TMF1: variants seen among roughly 807,000 people sequenced by gnomAD.
TMF1 encodes TATA element modulatory factor 1.
In TMF1, 71 loss-of-function variants were observed where a neutral mutation model predicts 126.5. That is an observed-to-expected ratio of 0.56 (90% confidence interval 0.46 to 0.68). The LOEUF (loss-of-function observed/expected upper bound fraction) is 0.68. Ranked by LOEUF, TMF1 falls within the 30% of genes least tolerant of loss-of-function variation. The pLI is 0.00. For synonymous variants in TMF1, 461 were observed against 430.5 expected, an observed-to-expected ratio of 1.07 and a Z score of -0.88; for missense variants, 1,259 against 1,253.2, an observed-to-expected ratio of 1.00 and a Z score of -0.07.
intron 2 of TMF1, among the ~76,000 whole-genome samples, chr3:69,044,837 T>C (rs2091886566): frequency 6.6e-6 from 1 of 152,162 alleles, no homozygotes; most frequent in Admixed American, 6.5e-5. Context: ...AGAAAACAAT[T>C]AGGCAATATC....
Position 69,038,622 on chromosome 3 carries a change from G to A in TMF1, c.2093C>T (p.Ala698Val). Residue 698 changes from alanine to valine, a missense_variant, in exon 8 of 17, where the codon GCA becomes GTA. By Grantham distance (64) the Ala-to-Val change is moderately conservative. Transcript: ENST00000398559. The stretch of plus-strand genomic sequence containing the variant: ...TTCTTCTTGGGCCTTCTCTAATGCT[G>A]CAGAAAGTTCTTCTTTAGCTTTCAT... ...REMKAKEELS[A>V]ALEKAQEEAR... is the part of the protein sequence containing the mutation. 6.2e-7 allele frequency: 1 copy of A among 1,614,098 alleles called. No homozygotes were observed. Among genetic ancestry groups the A allele is most frequent in the Non-Finnish European group, 8.5e-7 (1 of 1,179,996 alleles).
chr3:69,042,844 T>A lies in TMF1; in HGVS notation c.1647A>T (p.Lys549Asn). 1.2e-6 allele frequency: 2 copies of A among 1,613,784 alleles called. No individual in the cohort carries two copies. Among genetic ancestry groups the A allele is most frequent in the Non-Finnish European group, 1.7e-6 (2 of 1,179,912 alleles). ...LNSSETADLL[K>N]EKDEQIRGLM... ...ACCCTCGGATCTGCTCATCTTTCTC[T>A]TTCAAAAGGTCTGCAGTTTCACTAC... The change falls in exon 5 of 17, where the codon AAA becomes AAT. Residue 549 changes from lysine (K) to asparagine (N), a missense_variant. By Grantham distance (94) the Lys-to-Asn change is moderately conservative. Transcript: ENST00000398559.
intron 2 of TMF1, among the ~76,000 whole-genome samples, chr3:69,046,681 C>CTT (rs2091897727): frequency 6.6e-6 from 1 of 152,174 alleles, no homozygotes. Context: ...ATTTATATCA[C>CTT]TTTCCTTTCA....
intron 1 of TMF1, among the ~76,000 whole-genome samples, chr3:69,050,684 T>C (rs549437356): frequency 6.6e-6 from 1 of 152,356 alleles, no homozygotes; most frequent in African/African-American, 2.4e-5. Flanking sequence ...AGCAAGGTTA[T>C]ATGACATCTT....
chr3:69,024,268 G>GTTTTT, intron 15 of TMF1, 88 bp from the exon 16 acceptor site: 4 of 925,160 alleles, frequency 4.3e-6, no homozygotes, highest in Non-Finnish European at 4.5e-6. Context: ...TGTGTGTGTG[G>GTTTTT]TTTTTTTTTT....
At chr3:69,028,646 G>A (rs2091782838) in intron 11 of TMF1, among the ~76,000 whole-genome samples, 1 of 152,164 alleles carries the variant, frequency 6.6e-6, no homozygotes, top group Non-Finnish European at 1.5e-5. Context: ...GTTTCTAAAA[G>A]TTCAGATATT....
chr3:69,044,575 T>C lies in TMF1; in HGVS notation c.1368A>G (p.Glu456=). 6.2e-7 allele frequency: 1 copy of C among 1,608,502 alleles called. No homozygotes were observed. The highest frequency in any genetic ancestry group is 1.3e-5 in the African/African-American group (1 of 74,632). ...DVCKTVEFLN[E]KLEKREAQLL... ...ACTGAGCCTCCCTTTTTTCCAGCTT[T>C]TCATTCAGAAATTCAACTGTCTGGA... is the stretch of plus-strand genomic sequence containing the variant. The change falls in exon 3 of 17, where the codon GAA becomes GAG. Residue 456 remains glutamate (E), a synonymous_variant. Coordinates refer to ENST00000398559, the MANE Select transcript of TMF1 (RefSeq NM_007114.3).
chr3:69,044,937 G>A (rs558191464), intron 2 of TMF1, among the ~76,000 whole-genome samples: 1 of 152,240 alleles, frequency 6.6e-6, no homozygotes, highest in South Asian at 2.1e-4. Context: ...TGCACTAGGC[G>A]ACATGTATAA....
intron 3 of TMF1, 27 bp downstream of exon 3, chr3:69,044,465 C>T (rs1027572294): frequency 8.0e-6 from 10 of 1,254,292 alleles, no homozygotes; most frequent in Non-Finnish European, 1.0e-5. Flanking sequence ...AAATGTGTAA[C>T]ATTATTCACA....
At chr3:69,036,091 A>G (rs760143543) in intron 8 of TMF1, among the ~76,000 whole-genome samples, 5 of 152,304 alleles carry the variant, frequency 3.3e-5, no homozygotes, top group South Asian at 2.1e-4. Flanking sequence ...ATATCCATCA[A>G]TAAGAAATAG....
intron 10 of TMF1, among the ~76,000 whole-genome samples, chr3:69,031,928 A>C (rs2091805292): frequency 6.6e-6 from 1 of 152,224 alleles, no homozygotes; most frequent in African/African-American, 2.4e-5. Flanking sequence ...TTATTTCAAA[A>C]GATATCATTT....
At chr3:69,025,952 T>C in intron 14 of TMF1, 44 bp downstream of exon 14, 3 of 1,480,882 alleles carry the variant, frequency 2.0e-6, no homozygotes, top group Non-Finnish European at 2.8e-6. Context: ...ATTTCCTTTA[T>C]TATTATTCTA....
Position 69,052,121 on chromosome 3 carries a change from C to A in TMF1, c.-35G>T. ...TCAGCCGGCAGTGGCGGCGGCAGCA[C>A]CAAGCGGGAAGGCCTCAGGCCTGGG... On this transcript the variant is annotated 5_prime_UTR_variant, in exon 1 of 17. Transcript: ENST00000398559. 4 of 1,591,854 alleles carry A rather than the reference C, an allele frequency of 2.5e-6. No homozygotes were observed. Among genetic ancestry groups the A allele is most frequent in the Non-Finnish European group, 3.4e-6 (4 of 1,171,574 alleles).
rs767053061 is a variant in TMF1 at position 69,022,564 on chromosome 3, G to C, written c.*613C>G. 8 of 152,410 alleles carry C rather than the reference G, an allele frequency of 5.2e-5. No individual in the cohort carries two copies. Among genetic ancestry groups the C allele is most frequent in the Non-Finnish European group, 7.4e-5 (5 of 67,926 alleles). 9.4% of individuals were successfully genotyped at this position (152,410 alleles called of 1,614,324 possible). On this transcript the variant is annotated 3_prime_UTR_variant, in exon 17 of 17. Coordinates refer to ENST00000398559, the MANE Select transcript of TMF1 (RefSeq NM_007114.3). ...GAAAGCTGGGTGAAATAAATTTTCAGATCAAAATTTTTTTTAAGTTTAAAT... is the reference window on the plus strand; with the variant it reads ...GAAAGCTGGGTGAAATAAATTTTCACATCAAAATTTTTTTTAAGTTTAAAT...
chr3:69,047,901 T>C lies in TMF1; in HGVS notation c.804A>G (p.Ile268Met). 6.2e-7 allele frequency: 1 copy of C among 1,613,802 alleles called. No individual in the cohort carries two copies. The highest frequency in any genetic ancestry group is 2.2e-5 in the East Asian group (1 of 44,884). ...GTCTCGAGCTCGCTGAGCTCTCACTTATTACACTTTCATGATCTAAAACTT... is the reference window on the plus strand; with the variant it reads ...GTCTCGAGCTCGCTGAGCTCTCACTCATTACACTTTCATGATCTAAAACTT... ...DIEVLDHESVISESSASSRQE... is the reference protein window; with the variant it reads ...DIEVLDHESVMSESSASSRQE... Residue 268 changes from isoleucine to methionine, a missense_variant, in exon 2 of 17, where the codon ATA (isoleucine) becomes ATG (methionine). Coordinates refer to ENST00000398559, the MANE Select transcript of TMF1 (RefSeq NM_007114.3).
At chr3:69,041,823 A>G (rs899156280) in intron 5 of TMF1, among the ~76,000 whole-genome samples, 1 of 152,088 alleles carries the variant, frequency 6.6e-6, no homozygotes, top group African/African-American at 2.4e-5. Flanking sequence ...ATACTTTCCT[A>G]TAACTTCAAA....
At chr3:69,048,984 G>C in intron 1 of TMF1, 1 of 157,006 alleles carries the variant, frequency 6.4e-6, no homozygotes, top group Non-Finnish European at 1.4e-5. Flanking sequence ...AATAGGTTGG[G>C]CCATGTGCAG....
At chr3:69,047,250 T>G in intron 2 of TMF1, 108 bp downstream of exon 2, 1 of 1,324,316 alleles carries the variant, frequency 7.6e-7, no homozygotes, top group Non-Finnish European at 1.0e-6. Flanking sequence ...AATGCGTATG[T>G]TTTTAAATCT....
chr3:69,024,107 T>A lies in TMF1; in HGVS notation c.3086A>T (p.Asp1029Val). The A allele has an allele frequency of 6.2e-7, 1 of 1,610,746 alleles. No homozygotes were observed. The highest frequency in any genetic ancestry group is 8.5e-7 in the Non-Finnish European group (1 of 1,178,724). ...EELVKLTNQN[D>V]ELEEKVKEIP... Reference sequence around the variant, plus strand: ...CTCCTTCACCTTCTCTTCAAGTTCATCATTTTGATTTGTTAATTTAACTAG... The same window carrying A: ...CTCCTTCACCTTCTCTTCAAGTTCAACATTTTGATTTGTTAATTTAACTAG... The change falls in exon 16 of 17, where the codon GAT (aspartate) becomes GTT (valine). Residue 1029 changes from aspartate (D) to valine (V), a missense_variant. Coordinates refer to ENST00000398559, the MANE Select transcript of TMF1 (RefSeq NM_007114.3).
Sources: allele counts gnomAD v4.1 joint callset (sites outside exome capture counted in the v4.1 genomes callset), GRCh38; gene constraint gnomAD v4.1.1; transcripts MANE v1.5; gene names NCBI Gene and HGNC (gene_info 2026-07-23, HGNC 2026-07-21).